FHAD1: variants seen among roughly 807,000 people sequenced by gnomAD.
The protein encoded by FHAD1 is forkhead-associated domain-containing protein 1.
In FHAD1, 146 loss-of-function variants were observed where a neutral mutation model predicts 191.3. The observed-to-expected ratio is 0.76, with a 90% confidence interval of 0.67 to 0.88. The LOEUF (loss-of-function observed/expected upper bound fraction) is 0.88. Ranked by LOEUF, FHAD1 falls within the 40% of genes least tolerant of loss-of-function variation. The probability of loss-of-function intolerance (pLI) is 0.00; values close to 1 mark genes in which losing one functional copy is unlikely to be tolerated. For missense variants in FHAD1, 1,635 were observed against 1,785.8 expected, an observed-to-expected ratio of 0.92 and a Z score of 1.52; for synonymous variants, 616 against 672.3, an observed-to-expected ratio of 0.92 and a Z score of 1.29.
intron 14 of FHAD1, among the ~76,000 whole-genome samples, chr1:15,335,900 A>G (rs1272619727): frequency 7.0e-4 from 106 of 151,954 alleles, no homozygotes; most frequent in Non-Finnish European, 1.3e-4. Flanking sequence ...CCCAACCATG[A>G]TTTCATCCTT....
chr1:15,395,852 A>G (rs2103197729), intron 33 of FHAD1, among the ~76,000 whole-genome samples: 1 of 152,234 alleles, frequency 6.6e-6, no homozygotes, highest in East Asian at 1.9e-4. Context: ...CGTGTGGCCC[A>G]AGACTATTCT....
exon 1 of FHAD1, among the ~76,000 whole-genome samples, chr1:15,236,669 G>A (rs761705804): frequency 1.3e-4 from 20 of 152,246 alleles, no homozygotes; most frequent in Non-Finnish European, 2.6e-4. Flanking sequence ...TCTGTCTGAG[G>A]TTGGATCCAC....
chr1:15,340,885 A>C (rs534014020), intron 15 of FHAD1, among the ~76,000 whole-genome samples: 1 of 152,228 alleles, frequency 6.6e-6, no homozygotes, highest in East Asian at 1.9e-4. Flanking sequence ...CACTGTTCCA[A>C]TAAAACTTTA....
intron 22 of FHAD1, among the ~76,000 whole-genome samples, chr1:15,362,233 C>T (rs77390559): frequency 1.3e-5 from 2 of 152,266 alleles, no homozygotes; most frequent in East Asian, 1.9e-4. Context: ...TGAGACAGGA[C>T]GCTAGAGGCG....
intron 2 of FHAD1, among the ~76,000 whole-genome samples, chr1:15,262,564 T>A (rs1209511302): frequency 1.3e-5 from 2 of 152,194 alleles, no homozygotes; most frequent in African/African-American, 4.8e-5. Flanking sequence ...AGCCACAACA[T>A]GTATTTTGTG....
chr1:15,305,805 C>T (rs192800111), intron 6 of FHAD1: 104 of 443,602 alleles, frequency 2.3e-4, no homozygotes, highest in African/African-American at 9.9e-4. Context: ...GAGGCCTCCC[C>T]GGCCATGTGG....
In FHAD1 at chr1:15,318,629, G is replaced by A. The variant is rs546862475; in HGVS notation, c.1365+701G>A. 9.7e-4 allele frequency among the ~76,000 whole-genome samples: 147 copies of A among 151,278 alleles called. 1 individual carries two copies. The highest frequency in any genetic ancestry group is 3.4e-3 in the African/African-American group (141 of 41,206). Reference sequence around the variant, plus strand: ...AGCCTGGGCGACAGAGCAAGACTCCGTCTCAAAAAAAAAAAAATTTAATTA... The same window carrying A: ...AGCCTGGGCGACAGAGCAAGACTCCATCTCAAAAAAAAAAAAATTTAATTA... On this transcript the variant is annotated intron_variant, in intron 10 of 33. Coordinates refer to ENST00000688493, the MANE Select transcript of FHAD1 (RefSeq NM_001391957.1). The surrounding 1 kb of genome is among the most constrained non-coding windows in gnomAD (Gnocchi z 4.1).
chr1:15,245,187 C>T (rs1044655943), upstream of FHAD1, among the ~76,000 whole-genome samples: 2 of 152,178 alleles, frequency 1.3e-5, no homozygotes, highest in Non-Finnish European at 2.9e-5. Context: ...GCCCCACCTC[C>T]AACACTGAGG....
Position 15,369,244 on chromosome 1 carries a change from G to C in FHAD1, c.3315-126G>C, listed in dbSNP as rs150301622. On this transcript the variant is annotated intron_variant, in intron 25 of 33. Coordinates refer to ENST00000688493, the MANE Select transcript of FHAD1 (RefSeq NM_001391957.1). ...TGAATTCTCTAGAAATATGGGAACA[G>C]GAAACAAGTCTCAAAAGAATTCTGT... The C allele has an allele frequency of 3.4e-6, 4 of 1,168,946 alleles. No individual in the cohort carries two copies. In the African/African-American group the frequency reaches 6.2e-5, roughly 18 times the overall value. The allele number at this position is 1,168,946 out of a possible 1,614,324, so 72.4% of individuals were successfully genotyped here.
At chr1:15,302,404 T>C (rs1026435634) in intron 6 of FHAD1, among the ~76,000 whole-genome samples, 27 of 152,170 alleles carry the variant, frequency 1.8e-4, no homozygotes, top group African/African-American at 6.0e-4. Context: ...GAAACTTGAT[T>C]CAAATTCTTT....
At chr1:15,243,190 AAGG>A (rs1645595740), upstream of FHAD1, among the ~76,000 whole-genome samples, 1 of 152,228 alleles carries the variant, frequency 6.6e-6, no homozygotes, top group East Asian at 1.9e-4. Flanking sequence ...GGGAAAAGGC[AAGG>A]ATGGCTGCAG....
intron 15 of FHAD1, among the ~76,000 whole-genome samples, chr1:15,341,165 G>C (rs1686501700): frequency 6.6e-6 from 1 of 152,140 alleles, no homozygotes; most frequent in Non-Finnish European, 1.5e-5. Context: ...CTGGGCGACA[G>C]AGCAAGACAC....
intron 11 of FHAD1, 42 bp downstream of exon 11, chr1:15,324,601 C>A: frequency 7.2e-7 from 1 of 1,390,354 alleles, no homozygotes; most frequent in Non-Finnish European, 1.0e-6. Flanking sequence ...CCACGCTCTC[C>A]AATGATTGCA....
rs1365861098 is a variant in FHAD1 at position 15,379,765 on chromosome 1, C to T, written c.3706-936C>T. ...TAAGGAGCATGCTGCCTTCAAGCATCTGTTTAACAAAGCACATCTTGCACA... is the reference window on the plus strand; with the variant it reads ...TAAGGAGCATGCTGCCTTCAAGCATTTGTTTAACAAAGCACATCTTGCACA... On this transcript the variant is annotated intron_variant, in intron 28 of 33. Transcript: ENST00000688493. 2.0e-5 allele frequency among the ~76,000 whole-genome samples: 3 copies of T among 152,222 alleles called. No homozygotes were observed. In the East Asian group the frequency reaches 5.8e-4, roughly 29 times the overall value.
At chr1:15,254,241 A>G (rs1289809615) in intron 2 of FHAD1, among the ~76,000 whole-genome samples, 2 of 152,250 alleles carry the variant, frequency 1.3e-5, no homozygotes, top group African/African-American at 2.4e-5. Context: ...CTATGATATT[A>G]GAAAACTGTA....
intron 18 of FHAD1, among the ~76,000 whole-genome samples, chr1:15,348,812 C>T (rs751135061): frequency 2.0e-5 from 3 of 152,124 alleles, no homozygotes; most frequent in African/African-American, 7.2e-5. Context: ...GGGCCCTCTC[C>T]GACTTCCTGC....
chr1:15,272,143 C>G (rs754076335), intron 2 of FHAD1, among the ~76,000 whole-genome samples, 180 bp from the exon 3 acceptor site: 4 of 152,148 alleles, frequency 2.6e-5, no homozygotes, highest in African/African-American at 4.8e-5. Context: ...CCTTCACACA[C>G]TAGCTGTGTG....
rs566029643 is a variant in FHAD1 at position 15,384,873 on chromosome 1, C to G, written c.4188+2680C>G. ...GCGAGGAGGGCTGCCGGGCATCTGC[C>G]CGCTGAGAGGGGAAACTGAGGAGGT... is the stretch of plus-strand genomic sequence containing the variant. On this transcript the variant is annotated intron_variant, in intron 31 of 33. Coordinates refer to ENST00000688493, the MANE Select transcript of FHAD1 (RefSeq NM_001391957.1). 7.2e-5 allele frequency among the ~76,000 whole-genome samples: 11 copies of G among 152,308 alleles called. 1 individual carries two copies. In the South Asian group the frequency reaches 2.3e-3, roughly 32 times the overall value.
At chr1:15,264,867 G>T (rs1264972913) in intron 2 of FHAD1, among the ~76,000 whole-genome samples, 2 of 151,700 alleles carry the variant, frequency 1.3e-5, no homozygotes, top group Non-Finnish European at 2.9e-5. Flanking sequence ...GTATTTTTTT[G>T]TGTTTTCATC....
Sources: gnomAD v4.1 joint callset for allele counts (sites outside exome capture counted in the v4.1 genomes callset) on GRCh38, gnomAD v4.1.1 for gene constraint, Gnocchi (gnomAD v3.1) non-coding constraint, MANE v1.5 for transcripts, NCBI Gene and HGNC (gene_info 2026-07-23, HGNC 2026-07-21) for gene names.